Variants in RFTN2 observed in about 807,000 individuals in gnomAD.
RFTN2 encodes raftlin family member 2.
A neutral mutation model predicts 52.7 loss-of-function variants in RFTN2; 34 were observed. That is an observed-to-expected ratio of 0.64 (90% CI 0.49 to 0.86). The LOEUF is 0.86. RFTN2 is among the 40% of genes least tolerant of loss of function. The probability of loss-of-function intolerance (pLI) is 0.00; values close to 1 mark genes in which losing one functional copy is unlikely to be tolerated. For missense variants in RFTN2, 536 were observed against 600.1 expected, an observed-to-expected ratio of 0.89 and a Z score of 1.12; for synonymous variants, 203 against 217.7, an observed-to-expected ratio of 0.93 and a Z score of 0.59.
At chr2:197,635,179 T>C (rs986348559) in intron 3 of RFTN2, among the ~76,000 whole-genome samples, 1 of 152,150 alleles carries the variant, frequency 6.6e-6, no homozygotes, top group African/African-American at 2.4e-5. Flanking sequence ...CTATTGTGAA[T>C]AATGCCGCAA....
At chr2:197,585,370 TG>T (rs2087580232) in intron 8 of RFTN2, among the ~76,000 whole-genome samples, 1 of 152,184 alleles carries the variant, frequency 6.6e-6, no homozygotes, top group Non-Finnish European at 1.5e-5. Context: ...TTTACACTGG[TG>T]GTTTACCCTT....
intron 8 of RFTN2, chr2:197,588,161 C>A: frequency 2.6e-6 from 1 of 383,544 alleles, no homozygotes; most frequent in Non-Finnish European, 5.2e-6. Context: ...ACCTATAATT[C>A]CATCTCCCAG....
chr2:197,590,869 T>C (rs2087698185), intron 8 of RFTN2, among the ~76,000 whole-genome samples: 1 of 152,160 alleles, frequency 6.6e-6, no homozygotes, highest in Non-Finnish European at 1.5e-5. Flanking sequence ...AAAGACAGTG[T>C]GGACCCAAAG....
At chr2:197,617,267 T>C (rs1316107638) in intron 6 of RFTN2, among the ~76,000 whole-genome samples, 1 of 152,232 alleles carries the variant, frequency 6.6e-6, no homozygotes, top group East Asian at 1.9e-4. Flanking sequence ...TGGCTTAAAA[T>C]TTTTGGGAAC....
intron 6 of RFTN2, among the ~76,000 whole-genome samples, chr2:197,616,466 AT>A (rs1291071209): frequency 6.6e-6 from 1 of 151,540 alleles, no homozygotes; most frequent in Non-Finnish European, 1.5e-5. Flanking sequence ...TAATTTTAAA[AT>A]TTTTTGTAGA....
chr2:197,642,185 A>G (rs1441879947), intron 3 of RFTN2, among the ~76,000 whole-genome samples: 3 of 152,232 alleles, frequency 2.0e-5, no homozygotes, highest in African/African-American at 7.2e-5. Context: ...ACTATCCCCA[A>G]ACCACAGATA....
At chr2:197,586,219 T>C (rs975661335) in intron 8 of RFTN2, among the ~76,000 whole-genome samples, 1 of 152,214 alleles carries the variant, frequency 6.6e-6, no homozygotes, top group Non-Finnish European at 1.5e-5. Flanking sequence ...TCTTCTTGTT[T>C]ACTTATACCC....
intron 7 of RFTN2, among the ~76,000 whole-genome samples, chr2:197,597,114 G>A (rs917324710): frequency 3.3e-5 from 5 of 152,162 alleles, no homozygotes; most frequent in Non-Finnish European, 5.9e-5. Flanking sequence ...AGAGTTATAT[G>A]TCAACTGCAT....
intron 1 of RFTN2, among the ~76,000 whole-genome samples, chr2:197,662,832 T>C (rs1460883493): frequency 2.0e-5 from 3 of 152,184 alleles, no homozygotes; most frequent in Non-Finnish European, 4.4e-5. Context: ...TCTCACTATG[T>C]TGCCCAGGCT....
chr2:197,598,587 C>G (rs2087827287), intron 7 of RFTN2, among the ~76,000 whole-genome samples: 1 of 152,182 alleles, frequency 6.6e-6, no homozygotes, highest in Admixed American at 6.5e-5. Flanking sequence ...TGGGGCAATT[C>G]TGAATGCACT....
rs150324108 is a variant in RFTN2 at position 197,652,662 on chromosome 2, A to G, written c.140-5996T>C. Among the ~76,000 whole-genome samples the G allele has an allele frequency of 1.2e-3, 182 of 152,302 alleles. 1 individual carries two copies. Among genetic ancestry groups the G allele is most frequent in the African/African-American group, 4.2e-3 (174 of 41,566 alleles). On this transcript the variant is annotated intron_variant, in intron 1 of 8. Coordinates refer to ENST00000295049, the MANE Select transcript of RFTN2 (RefSeq NM_144629.3). ...TTTTTCTTTCTTAATGGTACATAAA[A>G]TAATAGTGTGTTTTATAATCAATGG...
At chr2:197,640,915 G>T (rs1312005529) in intron 3 of RFTN2, among the ~76,000 whole-genome samples, 1 of 152,190 alleles carries the variant, frequency 6.6e-6, no homozygotes, top group East Asian at 1.9e-4. Flanking sequence ...TCAACTGGCA[G>T]CTCCTTTGAA....
chr2:197,609,507 A>C (rs1342007187), intron 7 of RFTN2, among the ~76,000 whole-genome samples: 1 of 152,158 alleles, frequency 6.6e-6, no homozygotes, highest in Non-Finnish European at 1.5e-5. Context: ...AATTTGTTTA[A>C]GTTCTTTGCA....
intron 8 of RFTN2, among the ~76,000 whole-genome samples, chr2:197,581,716 T>TA (rs1354961696): frequency 2.0e-5 from 3 of 152,174 alleles, no homozygotes; most frequent in African/African-American, 7.2e-5. Context: ...TAATTCTTCA[T>TA]AAAAACACAT....
intron 1 of RFTN2, among the ~76,000 whole-genome samples, chr2:197,654,180 G>C (rs780221591): frequency 1.5e-4 from 23 of 152,230 alleles, no homozygotes; most frequent in African/African-American, 5.5e-4. Context: ...TTGAGGCCAG[G>C]AGTTTGAGAC....
At chr2:197,616,687 G>C (rs2088151289) in intron 6 of RFTN2, among the ~76,000 whole-genome samples, 1 of 152,130 alleles carries the variant, frequency 6.6e-6, no homozygotes, top group Admixed American at 6.5e-5. Flanking sequence ...CAGGAAGTGA[G>C]GACAAGAGTG....
At chr2:197,654,230 T>G (rs764270027) in intron 1 of RFTN2, among the ~76,000 whole-genome samples, 3 of 151,590 alleles carry the variant, frequency 2.0e-5, no homozygotes, top group African/African-American at 4.8e-5. Flanking sequence ...TACAGAAAAT[T>G]TAAATATTAG....
chr2:197,610,642 A>G (rs2088041477), intron 7 of RFTN2, among the ~76,000 whole-genome samples: 1 of 152,128 alleles, frequency 6.6e-6, no homozygotes, highest in Non-Finnish European at 1.5e-5. Flanking sequence ...AGAACTTCCA[A>G]CACTATGTTG....
chr2:197,666,035 A>G (rs1465284617), intron 1 of RFTN2, among the ~76,000 whole-genome samples: 1 of 151,078 alleles, frequency 6.6e-6, no homozygotes, highest in East Asian at 1.9e-4. Flanking sequence ...GGGCTGGACT[A>G]GTGGTTGTGA....
Sources: gnomAD v4.1 joint callset for allele counts (sites outside exome capture counted in the v4.1 genomes callset) on GRCh38, gnomAD v4.1.1 for gene constraint, MANE v1.5 for transcripts, NCBI Gene and HGNC (gene_info 2026-07-23, HGNC 2026-07-21) for gene names.